Variants in WDR27 observed in about 807,000 individuals in gnomAD.
The protein encoded by WDR27 is WD repeat-containing protein 27.
A neutral mutation model predicts 114.4 loss-of-function variants in WDR27; 100 were observed. The observed-to-expected ratio is 0.87, with a 90% CI of 0.74 to 1.03. The LOEUF is 1.03. Ranked by LOEUF, WDR27 falls within the 50% of genes least tolerant of loss-of-function variation. WDR27 has a pLI of 0.00. For synonymous variants in WDR27, 449 were observed against 423.1 expected, an observed-to-expected ratio of 1.06 and a Z score of -0.75; for missense variants, 1,129 against 1,092.9, an observed-to-expected ratio of 1.03 and a Z score of -0.47.
At chr6:169,590,576 G>T (rs183863123) in intron 23 of WDR27, among the ~76,000 whole-genome samples, 1 of 151,984 alleles carries the variant, frequency 6.6e-6, no homozygotes, top group East Asian at 1.9e-4. Context: ...CCACCTGGCC[G>T]CCCGCCACAC....
At chr6:169,690,248 C>G (rs188594505) in intron 1 of WDR27, among the ~76,000 whole-genome samples, 64 of 152,352 alleles carry the variant, frequency 4.2e-4, no homozygotes, top group African/African-American at 1.4e-3. Context: ...AGGATACACC[C>G]ATGCAGCCAT....
At chr6:169,685,248 T>C (rs1418067770) in intron 2 of WDR27, among the ~76,000 whole-genome samples, 1 of 148,932 alleles carries the variant, frequency 6.7e-6, no homozygotes, top group Non-Finnish European at 1.5e-5. Context: ...TGTCAGGACA[T>C]ATCAACCATG....
chr6:169,676,026 G>T (rs1423609580), intron 2 of WDR27, among the ~76,000 whole-genome samples: 1 of 152,174 alleles, frequency 6.6e-6, no homozygotes, highest in Non-Finnish European at 1.5e-5. Context: ...GCCAGAGTCA[G>T]ACTGAAAAGT....
rs1484624342 is a variant in WDR27 at position 169,638,292 on chromosome 6, C to T, written c.1869+247G>A. On this transcript the variant is annotated intron_variant, in intron 18 of 25. Coordinates refer to ENST00000448612, the MANE Select transcript of WDR27 (RefSeq NM_182552.5). ...GATTGCGCCACTGCAGTCCGCAGTC[C>T]GACCTGGGCGACAGAGCGAGACTCC... Among the ~76,000 whole-genome samples the T allele has an allele frequency of 1.9e-4, 12 of 63,470 alleles. 2 individuals carry two copies. The highest frequency in any genetic ancestry group is 1.3e-3 in the Admixed American group (7 of 5,580). 41.6% of individuals were successfully genotyped at this position (63,470 alleles called of 152,430 possible).
chr6:169,627,990 G>A (rs1815287026), intron 21 of WDR27, among the ~76,000 whole-genome samples: 1 of 152,072 alleles, frequency 6.6e-6, no homozygotes, highest in South Asian at 2.1e-4. Context: ...ACAGACTCTG[G>A]CAAGCACCTA....
intron 25 of WDR27, among the ~76,000 whole-genome samples, chr6:169,471,861 T>G (rs541860394): frequency 2.0e-5 from 3 of 152,300 alleles, no homozygotes; most frequent in South Asian, 2.1e-4. Context: ...ACCAGCAGAT[T>G]TGGTGTCTGG....
chr6:169,672,759 C>T (rs1200778098), intron 2 of WDR27, among the ~76,000 whole-genome samples: 1 of 152,062 alleles, frequency 6.6e-6, no homozygotes, highest in Non-Finnish European at 1.5e-5. Flanking sequence ...GCAATGAGGT[C>T]CCTGGGAAAA....
At position 169,505,250 on chromosome 6, in the gene WDR27, A is replaced by G. The variant is rs183503201; in HGVS notation, c.2646-47616T>C. On this transcript the variant is annotated intron_variant, in intron 25 of 25. Transcript: ENST00000448612. Reference sequence around the variant, plus strand: ...TCCAATCAGAAATCACTTGCTAATTATCAAGATCTAGTTCTATTCATGGGG... The same window carrying G: ...TCCAATCAGAAATCACTTGCTAATTGTCAAGATCTAGTTCTATTCATGGGG... 4.5e-3 allele frequency among the ~76,000 whole-genome samples: 691 copies of G among 152,316 alleles called. 7 individuals carry two copies. The highest frequency in any genetic ancestry group is 0.016 in the African/African-American group (659 of 41,568).
At chr6:169,431,175 ATATAT>A in the WDR27 span, among the ~76,000 whole-genome samples, 13 of 152,210 alleles carry the variant, frequency 8.5e-5, no homozygotes, top group Admixed American at 7.2e-4. Context: ...TTTCAAGATA[ATATAT>A]TTATCTTTCT....
At chr6:169,514,661 C>T (rs2128054953) in intron 25 of WDR27, among the ~76,000 whole-genome samples, 1 of 147,902 alleles carries the variant, frequency 6.8e-6, no homozygotes, top group African/African-American at 2.5e-5. Flanking sequence ...GGTTAATACA[C>T]TAAGAGCAAG....
intron 25 of WDR27, among the ~76,000 whole-genome samples, chr6:169,517,092 G>A (rs1418519484): frequency 1.3e-5 from 2 of 152,204 alleles, no homozygotes; most frequent in African/African-American, 4.8e-5. Context: ...GGTCATGGGG[G>A]TGGATCCTTC....
the WDR27 span, among the ~76,000 whole-genome samples, chr6:169,431,044 G>A: frequency 2.8e-3 from 419 of 152,270 alleles, 7 homozygotes; most frequent in Admixed American, 0.025. Context: ...CCTAAGATCA[G>A]TTTTACCTGG....
At position 169,572,499 on chromosome 6, in the gene WDR27, G is replaced by A. The variant is rs138231020; in HGVS notation, c.2565C>T (p.His855=). 13,782 of 143,108 alleles carry A rather than the reference G, an allele frequency of 0.096. 1,649 individuals are homozygous for A. Among genetic ancestry groups the A allele is most frequent in the East Asian group, 0.58 (2,811 of 4,810 alleles). 8.9% of individuals were successfully genotyped at this position (143,108 alleles called of 1,614,324 possible). ...RSVAHAGVQW[H]DLGSLQPPPS... ...GCGGAGGTTGCAGTGAACCGAGATC[G>A]TGCCACTGCACTCCAGCGTGGGCGA... Residue 855 remains histidine, a synonymous_variant, in exon 25 of 26, where the codon CAC becomes CAT. Coordinates refer to ENST00000448612, the MANE Select transcript of WDR27 (RefSeq NM_182552.5).
In WDR27 at chr6:169,457,274, A is replaced by G. The variant is rs988546743; in HGVS notation, c.*318T>C. Reference sequence around the variant, plus strand: ...TTCTCTCTTTTTTCTTCCAACTCTAATTATCAAACAAATACTATATTATGT... The same window carrying G: ...TTCTCTCTTTTTTCTTCCAACTCTAGTTATCAAACAAATACTATATTATGT... On this transcript the variant is annotated 3_prime_UTR_variant, in exon 26 of 26. Transcript: ENST00000448612. 1.4e-5 allele frequency: 3 copies of G among 221,258 alleles called. No homozygotes were observed. Among genetic ancestry groups the G allele is most frequent in the African/African-American group, 6.9e-5 (3 of 43,592 alleles). The allele number at this position is 221,258 out of a possible 1,614,324, so 13.7% of individuals were successfully genotyped here. A position where few individuals can be genotyped will look rare whatever the true frequency, so the allele number is the denominator to read the frequency against.
chr6:169,469,083 C>A (rs1021037014), intron 25 of WDR27, among the ~76,000 whole-genome samples: 13 of 152,210 alleles, frequency 8.5e-5, no homozygotes, highest in African/African-American at 3.1e-4. Context: ...GGGCCTTCCA[C>A]ATATAAATTT....
At chr6:169,665,249 C>T (rs1403119645) in intron 7 of WDR27, 2 of 1,282,966 alleles carry the variant, frequency 1.6e-6, no homozygotes, top group Non-Finnish European at 2.0e-6. Flanking sequence ...ACTCCAGAAC[C>T]ACGCATGGAG....
At chr6:169,664,560 T>G in intron 7 of WDR27, 1 of 1,310,980 alleles carries the variant, frequency 7.6e-7, no homozygotes, top group Non-Finnish European at 9.7e-7. Flanking sequence ...AAGATGCTCC[T>G]CTGGGAACCC....
chr6:169,599,027 G>A (rs1040853175), intron 23 of WDR27, among the ~76,000 whole-genome samples: 1 of 152,018 alleles, frequency 6.6e-6, no homozygotes, highest in Non-Finnish European at 1.5e-5. Context: ...TAGGGTACAT[G>A]TGCACAACGT....
At chr6:169,448,390 CTATG>C in the WDR27 span, among the ~76,000 whole-genome samples, 3 of 80,278 alleles carry the variant, frequency 3.7e-5, no homozygotes, top group Admixed American at 1.5e-4. Flanking sequence ...GTCTCTGTCT[CTATG>C]TGTGTGTGTG....
Sources: allele counts gnomAD v4.1 joint callset (sites outside exome capture counted in the v4.1 genomes callset), GRCh38; gene constraint gnomAD v4.1.1; transcripts MANE v1.5; gene names NCBI Gene and HGNC (gene_info 2026-07-23, HGNC 2026-07-21).